Variants in RPL37 observed in about 807,000 individuals in gnomAD.
RPL37 encodes large ribosomal subunit protein eL37.
In RPL37, 1 loss-of-function variant was observed where a neutral mutation model predicts 14.8. That is an observed-to-expected ratio of 0.07 (90% CI 0.02 to 0.32). The LOEUF is 0.32. RPL37 is among the 10% of genes least tolerant of loss of function. The pLI is 1.00. For synonymous variants in RPL37, 53 were observed against 45.8 expected (o/e 1.16, Z -0.63); for missense variants, 100 against 128.3 (o/e 0.78, Z 1.06).
chr5:40,835,015 G>A lies in RPL37; in HGVS notation c.3+168C>T, dbSNP rs924913374. 8.3e-6 allele frequency: 7 copies of A among 847,790 alleles called. No homozygotes were observed. The Admixed American group carries it at 1.3e-4, about 16-fold the overall frequency. The allele number at this position is 847,790 out of a possible 1,614,324, so 52.5% of individuals were successfully genotyped here. On this transcript the variant is annotated intron_variant, in intron 1 of 3. Transcript: ENST00000274242. ...AATTACGGCGGGATAGGTCCCCCAG[G>A]CACCAGTTAGCAGTCATTCTTCTGG... is the stretch of plus-strand genomic sequence containing the variant.
rs1554036077 is a variant in RPL37 at position 40,829,677 on chromosome 5, G to GTATACATA, written c.*2826_*2827insTATGTATA. ...TCCATCATAGTGTGTGTGTGTGTGT[G>GTATACATA]TATATATATATATATATATATCAAC... On this transcript the variant is annotated 3_prime_UTR_variant, in exon 4 of 4. Transcript: ENST00000274242. 1.4e-5 allele frequency: 2 copies of GTATACATA among 146,280 alleles called. No individual in the cohort carries two copies. The highest frequency in any genetic ancestry group is 6.7e-5 in the Admixed American group (1 of 14,902). 9.1% of individuals were successfully genotyped at this position (146,280 alleles called of 1,614,324 possible).
rs1169563684 is a variant in RPL37 at position 40,832,545 on chromosome 5, T to C, written c.253A>G (p.Lys85Glu). 6.2e-7 allele frequency: 1 copy of C among 1,614,070 alleles called. No homozygotes were observed. Among genetic ancestry groups the C allele is most frequent in the South Asian group, 1.1e-5 (1 of 91,074 alleles). Residue 85 changes from lysine (K) to glutamate (E), a missense_variant, in exon 4 of 4, where the codon AAA (lysine) becomes GAA (glutamate). This residue lies in a region of RPL37 where 74 missense variants were observed against 69.9 expected (regional missense o/e 1.06). Coordinates refer to ENST00000274242, the MANE Select transcript of RPL37 (RefSeq NM_000997.5). ...GCTGCAACAGCTGCCCTCTTGGGTTTAGGTGTTGTTCCTTCACGGAATCCA... is the reference window on the plus strand; with the variant it reads ...GCTGCAACAGCTGCCCTCTTGGGTTCAGGTGTTGTTCCTTCACGGAATCCA... ...RHGFREGTTPKPKRAAVAASS... is the reference protein window; with the variant it reads ...RHGFREGTTPEPKRAAVAASS...
rs1315603353 is a variant in RPL37, at chr5:40,829,086, C to T, written c.*3418G>A. 1 of 152,158 alleles carries T rather than the reference C, an allele frequency of 6.6e-6. No individual in the cohort carries two copies. Among genetic ancestry groups the T allele is most frequent in the Admixed American group, 6.6e-5 (1 of 15,262 alleles). The allele number at this position is 152,158 out of a possible 1,614,324, so 9.4% of individuals were successfully genotyped here. A position where few individuals can be genotyped will look rare whatever the true frequency, so the allele number is the denominator to read the frequency against. ...TCTGACTTCTACATGCCTATCAAATCTCAGTGTTCTCATTTTCATGCTTAA... is the reference window on the plus strand; with the variant it reads ...TCTGACTTCTACATGCCTATCAAATTTCAGTGTTCTCATTTTCATGCTTAA... On this transcript the variant is annotated 3_prime_UTR_variant, in exon 4 of 4. Coordinates refer to ENST00000274242, the MANE Select transcript of RPL37 (RefSeq NM_000997.5).
In RPL37 at chr5:40,828,622, A is replaced by G. The variant is rs774898292; in HGVS notation, c.*3882T>C. On this transcript the variant is annotated 3_prime_UTR_variant, in exon 4 of 4. Transcript: ENST00000274242. ...GCTCTAACATGAGAGAGGTTTATGAAAAGTAAAGACTAGCCTAAATTTTGC... is the reference window on the plus strand; with the variant it reads ...GCTCTAACATGAGAGAGGTTTATGAGAAGTAAAGACTAGCCTAAATTTTGC... The G allele has an allele frequency of 2.0e-5, 3 of 152,216 alleles. No homozygotes were observed. The highest frequency in any genetic ancestry group is 4.4e-5 in the Non-Finnish European group (3 of 68,046). The allele number at this position is 152,216 out of a possible 1,614,324, so 9.4% of individuals were successfully genotyped here. A position where few individuals can be genotyped will look rare whatever the true frequency, so the allele number is the denominator to read the frequency against.
In RPL37 at chr5:40,830,051, T is replaced by C. The variant is rs10062565; in HGVS notation, c.*2453A>G. 37,098 of 152,062 alleles carry C rather than the reference T, an allele frequency of 0.24. 5,299 individuals carry two copies. Among genetic ancestry groups the C allele is most frequent in the Admixed American group, 0.4 (6,040 of 15,242 alleles). 9.4% of individuals were successfully genotyped at this position (152,062 alleles called of 1,614,324 possible). A position where few individuals can be genotyped will look rare whatever the true frequency, so the allele number is the denominator to read the frequency against. ...TACATGTGGAAACAGGTAGTCTGCT[T>C]TGACAGCTGGGGGCAAATCAACCTG... On this transcript the variant is annotated 3_prime_UTR_variant, in exon 4 of 4. Transcript: ENST00000274242.
chr5:40,831,545 A>G lies in RPL37; in HGVS notation c.*959T>C, dbSNP rs1745639809. On this transcript the variant is annotated 3_prime_UTR_variant, in exon 4 of 4. Coordinates refer to ENST00000274242, the MANE Select transcript of RPL37 (RefSeq NM_000997.5). Reference sequence around the variant, plus strand: ...TATTCTAAACACAGTGGAGAATTATAATTTAAATAGCATGACTTGGCTACA... The same window carrying G: ...TATTCTAAACACAGTGGAGAATTATGATTTAAATAGCATGACTTGGCTACA... 1 of 152,352 alleles carries G rather than the reference A, an allele frequency of 6.6e-6. No individual in the cohort carries two copies. The highest frequency in any genetic ancestry group is 2.4e-5 in the African/African-American group (1 of 41,458). The allele number at this position is 152,352 out of a possible 1,614,324, so 9.4% of individuals were successfully genotyped here.
intron 3 of RPL37, chr5:40,833,837 G>T: frequency 4.8e-6 from 1 of 209,936 alleles, no homozygotes; most frequent in East Asian, 1.4e-4. Context: ...GAGCCCAGGA[G>T]TTCCGAGATT....
At position 40,828,667 on chromosome 5, in the gene RPL37, T is replaced by C. The variant is rs1470463046; in HGVS notation, c.*3837A>G. Reference sequence around the variant, plus strand: ...TTTTGCCAAATCCAGAATTTTAAAATATATCTTCATTCTCTTTGGCCTCAG... The same window carrying C: ...TTTTGCCAAATCCAGAATTTTAAAACATATCTTCATTCTCTTTGGCCTCAG... On this transcript the variant is annotated 3_prime_UTR_variant, in exon 4 of 4. Coordinates refer to ENST00000274242, the MANE Select transcript of RPL37 (RefSeq NM_000997.5). The C allele has an allele frequency of 6.6e-6, 1 of 152,192 alleles. No homozygotes were observed. Among genetic ancestry groups the C allele is most frequent in the Non-Finnish European group, 1.5e-5 (1 of 68,034 alleles). The allele number at this position is 152,192 out of a possible 1,614,324, so 9.4% of individuals were successfully genotyped here.
Position 40,830,407 on chromosome 5 carries a change from G to C in RPL37, c.*2097C>G, listed in dbSNP as rs1745617194. On this transcript the variant is annotated 3_prime_UTR_variant, in exon 4 of 4. Coordinates refer to ENST00000274242, the MANE Select transcript of RPL37 (RefSeq NM_000997.5). ...GGATCACTTGAAACCAGGAGTCCAA[G>C]ACCAGCCTGGGCAACATAGTTTAAC... 2.6e-5 allele frequency: 4 copies of C among 152,014 alleles called. No individual in the cohort carries two copies. Among genetic ancestry groups the C allele is most frequent in the Admixed American group, 2.6e-4 (4 of 15,258 alleles). The allele number at this position is 152,014 out of a possible 1,614,324, so 9.4% of individuals were successfully genotyped here.
chr5:40,832,439 T>C lies in RPL37; in HGVS notation c.*65A>G. 7.2e-7 allele frequency: 1 copy of C among 1,393,076 alleles called. No individual in the cohort carries two copies. The highest frequency in any genetic ancestry group is 1.0e-6 in the Non-Finnish European group (1 of 980,396). The allele number at this position is 1,393,076 out of a possible 1,614,324, so 86.3% of individuals were successfully genotyped here. A position where few individuals can be genotyped will look rare whatever the true frequency, so the allele number is the denominator to read the frequency against. On this transcript the variant is annotated 3_prime_UTR_variant, in exon 4 of 4. Coordinates refer to ENST00000274242, the MANE Select transcript of RPL37 (RefSeq NM_000997.5). ...CAAGCCTAATTGATTAAAAATACCT[T>C]ACCAAAACCAGATATGTATTTTTTA...
In RPL37 at chr5:40,829,527, C is replaced by T. The variant is rs1745591251; in HGVS notation, c.*2977G>A. 1 of 152,108 alleles carries T rather than the reference C, an allele frequency of 6.6e-6. No individual in the cohort carries two copies. Among genetic ancestry groups the T allele is most frequent in the Non-Finnish European group, 1.5e-5 (1 of 68,040 alleles). 9.4% of individuals were successfully genotyped at this position (152,108 alleles called of 1,614,324 possible). The stretch of plus-strand genomic sequence containing the variant: ...GTCAGCTGTTTCATTGCTGGCAAAG[C>T]CACTTACCTTCTCTCTCATCATGAT... On this transcript the variant is annotated 3_prime_UTR_variant, in exon 4 of 4. Transcript: ENST00000274242.
In RPL37 at chr5:40,834,191, G is replaced by C; in HGVS notation, c.214C>G (p.Arg72Gly). The C allele has an allele frequency of 6.2e-7, 1 of 1,612,326 alleles. No homozygotes were observed. The highest frequency in any genetic ancestry group is 8.5e-7 in the Non-Finnish European group (1 of 1,178,426). The change falls in exon 3 of 4, where the codon CGC becomes GGC. Residue 72 changes from arginine (R) to glycine (G), a missense_variant. Transcript: ENST00000274242. ...ACATACAAACTGTACCTGAATCTGC[G>C]GTATACAATTTTTAGGTGCCTCATT... ...GRMRHLKIVY[R>G]RFRHGFREGT...
rs532612057 is a variant in RPL37 at position 40,827,806 on chromosome 5, G to A, written c.*4698C>T. 1 of 151,550 alleles carries A rather than the reference G, an allele frequency of 6.6e-6. No homozygotes were observed. Among genetic ancestry groups the A allele is most frequent in the African/African-American group, 2.4e-5 (1 of 41,256 alleles). 9.4% of individuals were successfully genotyped at this position (151,550 alleles called of 1,614,324 possible). A position where few individuals can be genotyped will look rare whatever the true frequency, so the allele number is the denominator to read the frequency against. ...AGCTCACTGCAACCTCTGCCCCCCA[G>A]GCTCAAGCGATTCTCTCGCCTCAGC... On this transcript the variant is annotated 3_prime_UTR_variant, in exon 4 of 4. Coordinates refer to ENST00000274242, the MANE Select transcript of RPL37 (RefSeq NM_000997.5).
chr5:40,835,023 TAGC>T (rs1459026879), intron 1 of RPL37, 157 bp downstream of exon 1: 2 of 906,730 alleles, frequency 2.2e-6, no homozygotes, highest in African/African-American at 3.3e-5. Context: ...AGGCACCAGT[TAGC>T]AGTCATTCTT....
rs1490024327 is a variant in RPL37, at chr5:40,835,141, G to A, written c.3+42C>T. On this transcript the variant is annotated intron_variant, in intron 1 of 3. Transcript: ENST00000274242. ...CAGCAAACAGAGAGGCACAAAGGACGAGGATGGAACGCGATTCACAAACAC... is the reference window on the plus strand; with the variant it reads ...CAGCAAACAGAGAGGCACAAAGGACAAGGATGGAACGCGATTCACAAACAC... 3.7e-6 allele frequency: 6 copies of A among 1,613,788 alleles called. No individual in the cohort carries two copies. In the South Asian group the frequency reaches 6.6e-5, roughly 18 times the overall value.
In RPL37 at chr5:40,832,370, G is replaced by A. The variant is rs1443244192; in HGVS notation, c.*134C>T. On this transcript the variant is annotated 3_prime_UTR_variant, in exon 4 of 4. Coordinates refer to ENST00000274242, the MANE Select transcript of RPL37 (RefSeq NM_000997.5). ...GTCACTTAACAAGTAAATCTGATAT[G>A]AAGCTAGCCCAGTCCCTAAACCTAC... 1 of 787,214 alleles carries A rather than the reference G, an allele frequency of 1.3e-6. No individual in the cohort carries two copies. The highest frequency in any genetic ancestry group is 2.5e-5 in the East Asian group (1 of 39,852). 48.8% of individuals were successfully genotyped at this position (787,214 alleles called of 1,614,324 possible). A position where few individuals can be genotyped will look rare whatever the true frequency, so the allele number is the denominator to read the frequency against.
intron 2 of RPL37, 59 bp downstream of exon 2, chr5:40,834,412 C>T (rs1697526169): frequency 1.3e-6 from 2 of 1,594,866 alleles, no homozygotes; most frequent in South Asian, 1.1e-5. Flanking sequence ...AACCTATGCC[C>T]CCACTTAAGT....
In RPL37 at chr5:40,831,889, AC is replaced by A. The variant is rs1473223536; in HGVS notation, c.*614del. The A allele has an allele frequency of 6.6e-6, 1 of 152,592 alleles. No individual in the cohort carries two copies. Among genetic ancestry groups the A allele is most frequent in the Non-Finnish European group, 1.5e-5 (1 of 68,266 alleles). The allele number at this position is 152,592 out of a possible 1,614,324, so 9.5% of individuals were successfully genotyped here. A position where few individuals can be genotyped will look rare whatever the true frequency, so the allele number is the denominator to read the frequency against. On this transcript the variant is annotated 3_prime_UTR_variant, in exon 4 of 4. Coordinates refer to ENST00000274242, the MANE Select transcript of RPL37 (RefSeq NM_000997.5). ...CAATCTTTACTTGCACCCAAGCCCT[AC>A]TTTTTCTCAAACCTATTTACATATT...
At chr5:40,834,977 G>A (rs965571609) in intron 1 of RPL37, 2 of 696,240 alleles carry the variant, frequency 2.9e-6, no homozygotes, top group Admixed American at 4.7e-5. Flanking sequence ...ACACAATGCG[G>A]CTCTAGCACC....
Sources: gnomAD v4.1 joint callset for allele counts on GRCh38, gnomAD v4.1.1 for gene constraint, gnomAD v4.1.1 regional missense constraint, MANE v1.5 for transcripts, NCBI Gene and HGNC (gene_info 2026-07-23, HGNC 2026-07-21) for gene names.